Variants in KIT observed in about 807,000 individuals in gnomAD.
KIT encodes KIT proto-oncogene, receptor tyrosine kinase.
Under a neutral mutation model 105.7 loss-of-function variants are expected in KIT, and 16 were observed. The observed-to-expected ratio is 0.15, with a 90% CI of 0.10 to 0.23. The LOEUF is 0.23. KIT is among the 10% of genes least tolerant of loss of function. The probability of loss-of-function intolerance (pLI) is 1.00; values close to 1 mark genes in which losing one functional copy is unlikely to be tolerated. For synonymous variants in KIT, 438 were observed against 441.1 expected (o/e 0.99, Z 0.09); for missense variants, 858 against 1,213.8 (o/e 0.71, Z 4.36).
At chr4:54,697,989 C>T (rs1044703331) in intron 2 of KIT, among the ~76,000 whole-genome samples, 10 of 152,052 alleles carry the variant, frequency 6.6e-5, no homozygotes, top group South Asian at 2.1e-4. Flanking sequence ...TTTATGACAC[C>T]GCAGTTTCAT....
rs77509804 is a variant in KIT, at chr4:54,725,605, G to C, written c.1347-252G>C. 0.076 allele frequency among the ~76,000 whole-genome samples: 11,584 copies of C among 152,114 alleles called. 1,447 individuals carry two copies. Among genetic ancestry groups the C allele is most frequent in the African/African-American group, 0.26 (10,888 of 41,426 alleles). ...TGTTTTACAGTCGTAGAAACTCAGT[G>C]TTGGTGGGGGTTAAAAACTCATCAG... On this transcript the variant is annotated intron_variant, in intron 8 of 20. Coordinates refer to ENST00000288135, the MANE Select transcript of KIT (RefSeq NM_000222.3).
intron 2 of KIT, among the ~76,000 whole-genome samples, chr4:54,697,030 G>C (rs747126897): frequency 7.9e-5 from 12 of 152,222 alleles, no homozygotes; most frequent in Non-Finnish European, 1.8e-4. Context: ...GTCATCTTCT[G>C]TATCTTGGAA....
intron 7 of KIT, among the ~76,000 whole-genome samples, chr4:54,715,558 G>C (rs1160388755): frequency 6.6e-6 from 1 of 152,038 alleles, no homozygotes; most frequent in African/African-American, 2.4e-5. Flanking sequence ...GAGAGGAGAA[G>C]AAGGGTGCCA....
At chr4:54,724,772 T>C (rs1021779335) in intron 8 of KIT, among the ~76,000 whole-genome samples, 1 of 151,192 alleles carries the variant, frequency 6.6e-6, no homozygotes, top group Non-Finnish European at 1.5e-5. Context: ...AAAAAAAAAT[T>C]GCAAAAAAAT....
intron 1 of KIT, among the ~76,000 whole-genome samples, chr4:54,680,558 AT>A (rs1366878128): frequency 3.3e-5 from 5 of 151,626 alleles, no homozygotes; most frequent in African/African-American, 1.2e-4. Context: ...CGCCCGGCTA[AT>A]TTTTTATATT....
At chr4:54,686,259 T>G (rs1719306845) in intron 1 of KIT, among the ~76,000 whole-genome samples, 1 of 152,234 alleles carries the variant, frequency 6.6e-6, no homozygotes, top group Admixed American at 6.5e-5. Flanking sequence ...AGTCTGTTAT[T>G]TTGTGAATTT....
intron 1 of KIT, among the ~76,000 whole-genome samples, chr4:54,661,718 T>C (rs539747943): frequency 5.4e-4 from 83 of 152,344 alleles, no homozygotes; most frequent in South Asian, 5.2e-3. Flanking sequence ...TGAATAGATA[T>C]TGCCACAGCT....
chr4:54,723,776 CT>C, intron 8 of KIT, 78 bp downstream of exon 8: 1 of 966,904 alleles, frequency 1.0e-6, no homozygotes. Context: ...AATATGTTTT[CT>C]GATTTTTTTT....
intron 1 of KIT, among the ~76,000 whole-genome samples, chr4:54,661,954 A>G (rs1032196003): frequency 3.3e-5 from 5 of 152,248 alleles, no homozygotes; most frequent in Admixed American, 1.3e-4. Flanking sequence ...AGTAAAGAGC[A>G]GTTGTAATCT....
intron 20 of KIT, 101 bp from the exon 21 acceptor site, chr4:54,738,328 G>A: frequency 7.1e-7 from 1 of 1,408,338 alleles, no homozygotes; most frequent in Non-Finnish European, 1.0e-6. Flanking sequence ...TCTCTTAAGA[G>A]TTTCCATCAG....
chr4:54,698,682 C>G, intron 3 of KIT, 117 bp downstream of exon 3: 2 of 1,136,896 alleles, frequency 1.8e-6, no homozygotes, highest in South Asian at 2.6e-5. Context: ...GTTCATAGTT[C>G]CCCCAGCTTC....
intron 7 of KIT, among the ~76,000 whole-genome samples, chr4:54,711,161 G>C (rs534757199): frequency 2.6e-5 from 4 of 152,170 alleles, no homozygotes; most frequent in Non-Finnish European, 5.9e-5. Context: ...GATTACAGGA[G>C]TGAGCCACAA....
chr4:54,725,765 A>G lies in KIT; in HGVS notation c.1347-92A>G, dbSNP rs1722177490. The G allele has an allele frequency of 3.4e-6, 4 of 1,177,780 alleles. No individual in the cohort carries two copies. In the East Asian group the frequency reaches 1.0e-4, roughly 30 times the overall value. 73.0% of individuals were successfully genotyped at this position (1,177,780 alleles called of 1,614,324 possible). ...ATTTTCTGTTGATTATGAACCTCTA[A>G]CTTTGTTTTAAAAGTATGCCACATC... On this transcript the variant is annotated intron_variant, in intron 8 of 20. Transcript: ENST00000288135.
chr4:54,696,518 G>T (rs936063623), intron 2 of KIT, among the ~76,000 whole-genome samples: 2 of 152,164 alleles, frequency 1.3e-5, no homozygotes, highest in Non-Finnish European at 2.9e-5. Flanking sequence ...CTAGTTCTGG[G>T]TGCCCCTGGA....
intron 6 of KIT, among the ~76,000 whole-genome samples, chr4:54,708,608 A>G (rs887040886): frequency 1.3e-5 from 2 of 152,146 alleles, no homozygotes; most frequent in African/African-American, 4.8e-5. Context: ...TAGAGGAGAC[A>G]TGGTACAGAG....
rs1553891914 is a variant in KIT at position 54,727,935 on chromosome 4, C to T, written c.1879+8C>T. Reference sequence around the variant, plus strand: ...CTGTAAAGATGCTCAAGCGTAAGTTCCTGTATGGTACTGCATGCGCTTGAC... The same window carrying T: ...CTGTAAAGATGCTCAAGCGTAAGTTTCTGTATGGTACTGCATGCGCTTGAC... On this transcript the variant is annotated splice_region_variant and intron_variant, in intron 12 of 20. Coordinates refer to ENST00000288135, the MANE Select transcript of KIT (RefSeq NM_000222.3). The T allele has an allele frequency of 6.2e-7, 1 of 1,612,942 alleles. No homozygotes were observed. The highest frequency in any genetic ancestry group is 2.2e-5 in the East Asian group (1 of 44,866).
chr4:54,739,703 G>T lies in KIT; in HGVS notation c.*1146G>T, dbSNP rs1315598918. On this transcript the variant is annotated 3_prime_UTR_variant, in exon 21 of 21. Coordinates refer to ENST00000288135, the MANE Select transcript of KIT (RefSeq NM_000222.3). The stretch of plus-strand genomic sequence containing the variant: ...ATGTGTGTAGACAAATATTTGGAGG[G>T]GTATTTTTGCCCTGAGTCCAAGAGG... The T allele has an allele frequency of 3.4e-5, 8 of 233,404 alleles. No individual in the cohort carries two copies. Among genetic ancestry groups the T allele is most frequent in the Non-Finnish European group, 6.8e-5 (8 of 117,946 alleles). The allele number at this position is 233,404 out of a possible 1,614,324, so 14.5% of individuals were successfully genotyped here.
intron 1 of KIT, among the ~76,000 whole-genome samples, chr4:54,667,655 G>C (rs540657648): frequency 6.6e-6 from 1 of 152,304 alleles, no homozygotes; most frequent in South Asian, 2.1e-4. Context: ...AGAGAGTAGC[G>C]GAAGATGAGA....
At chr4:54,669,997 C>T (rs1717990969) in intron 1 of KIT, among the ~76,000 whole-genome samples, 1 of 152,146 alleles carries the variant, frequency 6.6e-6, no homozygotes, top group African/African-American at 2.4e-5. Flanking sequence ...GGGCTGAGCA[C>T]CAGCTCCATC....
Sources: allele counts gnomAD v4.1 joint callset (sites outside exome capture counted in the v4.1 genomes callset), GRCh38; gene constraint gnomAD v4.1.1; transcripts MANE v1.5; gene names NCBI Gene and HGNC (gene_info 2026-07-23, HGNC 2026-07-21).